Variants in LRMDA observed in about 807,000 individuals in gnomAD.
LRMDA encodes leucine rich melanocyte differentiation associated.
Under a neutral mutation model 29.8 loss-of-function variants are expected in LRMDA, and 18 were observed. The ratio of observed to expected loss-of-function variants is 0.60; its 90% CI spans 0.42 to 0.90. The LOEUF (loss-of-function observed/expected upper bound fraction) is 0.90. Ranked by LOEUF, LRMDA falls within the 40% of genes least tolerant of loss-of-function variation. The probability of loss-of-function intolerance (pLI) is 0.00; values close to 1 mark genes in which losing one functional copy is unlikely to be tolerated. For synonymous variants in LRMDA, 125 were observed against 109.4 expected (o/e 1.14, Z -0.89); for missense variants, 273 against 273.9 (o/e 1.00, Z 0.02).
intron 6 of LRMDA, among the ~76,000 whole-genome samples, chr10:76,450,051 C>T (rs1254747894): frequency 2.0e-5 from 3 of 152,032 alleles, no homozygotes; most frequent in Non-Finnish European, 4.4e-5. Context: ...GTCTTGATTT[C>T]ACAGTCTTGA....
At chr10:76,407,492 ACTTCTAAGTT>A (rs1329648444) in intron 6 of LRMDA, among the ~76,000 whole-genome samples, 4 of 152,174 alleles carry the variant, frequency 2.6e-5, no homozygotes, top group Non-Finnish European at 5.9e-5. Flanking sequence ...TGCAAGAATA[ACTTCTAAGTT>A]CTTCTCAACC....
intron 5 of LRMDA, among the ~76,000 whole-genome samples, chr10:76,248,074 C>A (rs1852407850): frequency 6.6e-6 from 1 of 152,120 alleles, no homozygotes; most frequent in African/African-American, 2.4e-5. Context: ...TGCAGAGATT[C>A]AGTGGAATGA....
At chr10:76,053,676 A>T (rs141166970) in intron 4 of LRMDA, among the ~76,000 whole-genome samples, 8 of 152,278 alleles carry the variant, frequency 5.3e-5, no homozygotes, top group Admixed American at 4.6e-4. Context: ...GTTCCAAGCC[A>T]CCAAGGGGCA....
intron 2 of LRMDA, among the ~76,000 whole-genome samples, chr10:75,743,917 A>C (rs947703498): frequency 6.6e-6 from 1 of 152,194 alleles, no homozygotes; most frequent in Non-Finnish European, 1.5e-5. Context: ...AACCCAAAGA[A>C]AAAATTGGAA....
At chr10:75,692,581 GT>G (rs2132162764) in intron 2 of LRMDA, among the ~76,000 whole-genome samples, 1 of 138,256 alleles carries the variant, frequency 7.2e-6, no homozygotes, top group South Asian at 2.2e-4. Context: ...GTGTGTGTGT[GT>G]GTGTGTGTGT....
intron 2 of LRMDA, among the ~76,000 whole-genome samples, chr10:75,658,997 A>G (rs1175966579): frequency 6.6e-6 from 1 of 152,150 alleles, no homozygotes; most frequent in African/African-American, 2.4e-5. Context: ...AGGTGGCTGG[A>G]GAAGCTTGAT....
intron 5 of LRMDA, among the ~76,000 whole-genome samples, chr10:76,249,863 C>T (rs1852441922): frequency 6.6e-6 from 1 of 152,192 alleles, no homozygotes; most frequent in South Asian, 2.1e-4. Context: ...AGTGCAATGG[C>T]ATGATCTTAG....
At chr10:75,820,983 C>T (rs1844147321) in intron 2 of LRMDA, among the ~76,000 whole-genome samples, 1 of 152,102 alleles carries the variant, frequency 6.6e-6, no homozygotes, top group Non-Finnish European at 1.5e-5. Flanking sequence ...CCTGAACAGA[C>T]CAATAATGAG....
intron 2 of LRMDA, among the ~76,000 whole-genome samples, chr10:76,001,911 T>C (rs1049164405): frequency 5.9e-5 from 9 of 151,978 alleles, no homozygotes; most frequent in Non-Finnish European, 1.0e-4. Context: ...TCTTCTAAAA[T>C]CCCTGGGACT....
chr10:76,024,494 A>G (rs374651144), intron 2 of LRMDA, among the ~76,000 whole-genome samples: 3 of 152,238 alleles, frequency 2.0e-5, no homozygotes, highest in East Asian at 3.9e-4. Flanking sequence ...GGAGGTCACC[A>G]TATCTCCTGG....
At chr10:76,327,073 A>G (rs1460112987) in intron 6 of LRMDA, among the ~76,000 whole-genome samples, 1 of 149,692 alleles carries the variant, frequency 6.7e-6, no homozygotes, top group African/African-American at 2.5e-5. Context: ...CCTGAGAGGC[A>G]GCAGTAAGTC....
At chr10:76,481,911 G>GT (rs1444350742) in intron 6 of LRMDA, among the ~76,000 whole-genome samples, 3 of 151,858 alleles carry the variant, frequency 2.0e-5, no homozygotes, top group Non-Finnish European at 4.4e-5. Flanking sequence ...TCGCAAATGT[G>GT]TATTTCATGA....
chr10:76,249,655 T>A (rs553278502), intron 5 of LRMDA, among the ~76,000 whole-genome samples: 9 of 152,348 alleles, frequency 5.9e-5, no homozygotes, highest in East Asian at 1.9e-4. Flanking sequence ...TTGCTTCTTT[T>A]TAAATATTTG....
chr10:75,522,248 C>T (rs1845370315), intron 2 of LRMDA, among the ~76,000 whole-genome samples: 1 of 152,162 alleles, frequency 6.6e-6, no homozygotes, highest in African/African-American at 2.4e-5. Context: ...AGACCTTATA[C>T]TCATTGAGGT....
At chr10:75,956,924 T>C (rs1316889119) in intron 2 of LRMDA, among the ~76,000 whole-genome samples, 2 of 152,206 alleles carry the variant, frequency 1.3e-5, no homozygotes, top group Non-Finnish European at 2.9e-5. Context: ...CATGAAGAAG[T>C]GTGCAAGGAG....
intron 6 of LRMDA, among the ~76,000 whole-genome samples, chr10:76,512,858 A>G (rs1843022563): frequency 6.6e-6 from 1 of 152,124 alleles, no homozygotes; most frequent in African/African-American, 2.4e-5. Context: ...GGTTCGTGGT[A>G]TTCCATTTTT....
intron 6 of LRMDA, among the ~76,000 whole-genome samples, chr10:76,457,802 G>A (rs558770366): frequency 2.0e-4 from 31 of 152,254 alleles, no homozygotes; most frequent in Non-Finnish European, 3.4e-4. Flanking sequence ...ACCTAACTCT[G>A]TATCTTCCTT....
intron 6 of LRMDA, among the ~76,000 whole-genome samples, chr10:76,379,161 T>TTGTGTGTGTG (rs57245101): frequency 0.03 from 4,171 of 137,870 alleles, 104 homozygotes; most frequent in Middle Eastern, 0.06. Flanking sequence ...CTGGCCTTCT[T>TTGTGTGTGTG]TGTGTGTGTG....
intron 5 of LRMDA, among the ~76,000 whole-genome samples, chr10:76,266,860 T>G (rs1031456604): frequency 2.6e-5 from 4 of 152,202 alleles, no homozygotes; most frequent in Non-Finnish European, 5.9e-5. Context: ...ATTTAAAAAC[T>G]AGACTTGTAA....
Sources: gnomAD v4.1 joint callset for allele counts (sites outside exome capture counted in the v4.1 genomes callset) on GRCh38, gnomAD v4.1.1 for gene constraint, MANE v1.5 for transcripts, NCBI Gene and HGNC (gene_info 2026-07-23, HGNC 2026-07-21) for gene names.